Variants in MBD5 observed in about 807,000 individuals in gnomAD.
MBD5 encodes methyl-CpG binding domain protein 5, also known as methyl-CpG-binding domain protein 5.
MBD5 carries 13 observed loss-of-function variants against 117.3 expected under a neutral mutation model. The observed-to-expected ratio is 0.11, with a 90% confidence interval of 0.07 to 0.18. The LOEUF (loss-of-function observed/expected upper bound fraction) is 0.18. Ranked by LOEUF, MBD5 falls within the 10% of genes least tolerant of loss-of-function variation. The pLI, the probability that MBD5 is intolerant of heterozygous loss-of-function variation, is 1.00. For synonymous variants in MBD5, 727 were observed against 766.4 expected (o/e 0.95, Z 0.85); for missense variants, 1,879 against 2,093.8 (o/e 0.90, Z 2.00).
chr2:148,283,744 T>C (rs565495672), intron 3 of MBD5, among the ~76,000 whole-genome samples: 3 of 152,330 alleles, frequency 2.0e-5, no homozygotes, highest in African/African-American at 7.2e-5. Flanking sequence ...GGACCATGCC[T>C]ATGCTTACTA....
chr2:148,345,606 TATGTATATACACGTATACAC>T (rs1356672457), intron 4 of MBD5, among the ~76,000 whole-genome samples: 2 of 114,440 alleles, frequency 1.7e-5, no homozygotes, highest in Non-Finnish European at 4.2e-5. Flanking sequence ...TACACATACA[TATGTATATACACGTATACAC>T]ATACATATGT....
intron 1 of MBD5, among the ~76,000 whole-genome samples, chr2:148,144,202 G>C (rs1304522410): frequency 7.9e-5 from 12 of 151,902 alleles, no homozygotes; most frequent in Non-Finnish European, 1.5e-4. Flanking sequence ...GGCCAGTGAT[G>C]ATGAGCATTT....
intron 7 of MBD5, among the ~76,000 whole-genome samples, chr2:148,466,870 AC>A (rs1372226639): frequency 6.6e-6 from 1 of 152,152 alleles, no homozygotes; most frequent in Non-Finnish European, 1.5e-5. Context: ...ATTTATTTGG[AC>A]CCCAGGTTGA....
intron 4 of MBD5, among the ~76,000 whole-genome samples, chr2:148,410,545 T>C (rs974350978): frequency 6.6e-6 from 1 of 152,188 alleles, no homozygotes; most frequent in African/African-American, 2.4e-5. Context: ...TCCTCCTGCC[T>C]CAGTCCCACT....
At chr2:148,044,462 A>G (rs1330687130) in intron 1 of MBD5, 1 of 152,160 alleles carries the variant, frequency 6.6e-6, no homozygotes, top group African/African-American at 2.4e-5. Flanking sequence ...TTCCTAGACA[A>G]GGATTATGCG....
Position 148,434,432 on chromosome 2 carries a change from T to C in MBD5, c.-556-23771T>C, listed in dbSNP as rs556752040. 4.6e-5 allele frequency among the ~76,000 whole-genome samples: 7 copies of C among 152,240 alleles called. No homozygotes were observed. In the East Asian group the frequency reaches 1.3e-3, roughly 29 times the overall value. On this transcript the variant is annotated intron_variant, in intron 4 of 13. Transcript: ENST00000642680. ...TTTGCTAGCTTTGGGGTTACTTTTG[T>C]GTTGCTTTTCTAGTACTTTTAGTTG...
intron 2 of MBD5, among the ~76,000 whole-genome samples, chr2:148,214,111 A>G (rs1397667625): frequency 6.6e-6 from 1 of 152,214 alleles, no homozygotes; most frequent in African/African-American, 2.4e-5. Flanking sequence ...TTTTAAAATT[A>G]TAAGTTAAAC....
chr2:148,469,394 G>A lies in MBD5; in HGVS notation c.1451G>A (p.Ser484Asn). ...CCTGTAGGACCCCAGGCCACTTCTA[G>A]TGGTATTAAGGTTCCACCCAGGTCA... ...MPPVGPQATS[S>N]GIKVPPRSPR... is the part of the protein sequence containing the mutation. Residue 484 changes from serine (S) to asparagine (N), a missense_variant, in exon 8 of 14, where the codon AGT becomes AAT. Around this residue, in one of 4 missense-constraint regions of MBD5, gnomAD observed 1,666 missense variants for 1,792.2 expected, o/e 0.93. Transcript: ENST00000642680. 3 of 1,613,782 alleles carry A rather than the reference G, an allele frequency of 1.9e-6. No individual in the cohort carries two copies. The highest frequency in any genetic ancestry group is 2.5e-6 in the Non-Finnish European group (3 of 1,179,924).
intron 4 of MBD5, among the ~76,000 whole-genome samples, chr2:148,394,545 G>GTTTTTTTTTTTTTTTT (rs71856376): frequency 4.1e-5 from 5 of 121,862 alleles, no homozygotes; most frequent in East Asian, 2.3e-4. Context: ...CTGTACTTTG[G>GTTTTTTTTTTTTTTTT]TTTTTTTTTT....
At chr2:148,426,320 C>A (rs1003905903) in intron 4 of MBD5, among the ~76,000 whole-genome samples, 4 of 152,196 alleles carry the variant, frequency 2.6e-5, no homozygotes, top group Admixed American at 1.3e-4. Flanking sequence ...TCATATGGAA[C>A]CAAAAAAGAG....
intron 10 of MBD5, 75 bp downstream of exon 10, chr2:148,486,025 G>T: frequency 6.9e-7 from 1 of 1,447,362 alleles, no homozygotes; most frequent in Non-Finnish European, 9.7e-7. Flanking sequence ...TGGGGGAAAG[G>T]GTGAAAAAAG....
At position 148,483,609 on chromosome 2, in the gene MBD5, A is replaced by G. The variant is rs745924727; in HGVS notation, c.3018A>G (p.Pro1006=). The G allele has an allele frequency of 1.9e-6, 3 of 1,553,288 alleles. No homozygotes were observed. The highest frequency in any genetic ancestry group is 1.2e-5 in the South Asian group (1 of 84,740). The change falls in exon 9 of 14, where the codon CCA becomes CCG. Residue 1006 remains proline (P), a synonymous_variant. Transcript: ENST00000642680. Reference sequence around the variant, plus strand: ...AAGCAGCTGCCATGCTTCCCCTGCCATCTTTCAATCTGACCATCTCAGATC... The same window carrying G: ...AAGCAGCTGCCATGCTTCCCCTGCCGTCTTTCAATCTGACCATCTCAGATC... The part of the protein sequence containing the change: ...QAQAAAMLPL[P]SFNLTISDLL...
intron 4 of MBD5, among the ~76,000 whole-genome samples, chr2:148,376,334 C>G (rs1474842688): frequency 6.9e-6 from 1 of 145,892 alleles, no homozygotes; most frequent in Non-Finnish European, 1.5e-5. Context: ...GCGGCGCAGT[C>G]TCGGCTCACT....
chr2:148,102,529 A>G (rs1183489769), intron 1 of MBD5, among the ~76,000 whole-genome samples: 1 of 152,056 alleles, frequency 6.6e-6, no homozygotes, highest in Non-Finnish European at 1.5e-5. Context: ...GCAGAATTCT[A>G]GGCCATATCT....
chr2:148,189,064 C>G (rs958585549), intron 2 of MBD5, among the ~76,000 whole-genome samples: 16 of 142,012 alleles, frequency 1.1e-4, no homozygotes, highest in African/African-American at 4.0e-4. Flanking sequence ...TAAGAAACGG[C>G]GCACCACGAG....
At chr2:148,292,555 A>G (rs138240704) in intron 3 of MBD5, among the ~76,000 whole-genome samples, 2 of 152,318 alleles carry the variant, frequency 1.3e-5, no homozygotes, top group African/African-American at 4.8e-5. Context: ...TATATCCAAA[A>G]GATAGGTAAT....
chr2:148,316,035 A>T (rs551937724), intron 3 of MBD5, among the ~76,000 whole-genome samples: 1 of 152,318 alleles, frequency 6.6e-6, no homozygotes, highest in East Asian at 1.9e-4. Context: ...GGCATGTGTT[A>T]CATGGTCAGA....
Position 148,300,459 on chromosome 2 carries a change from C to T in MBD5, c.-679-41755C>T, listed in dbSNP as rs183079116. On this transcript the variant is annotated intron_variant, in intron 3 of 13. Transcript: ENST00000642680. ...AGTGTCTTCCCTATCATCACTTGTTCCCTTTGCTTGACAAAGTCTTGCTTA... is the reference window on the plus strand; with the variant it reads ...AGTGTCTTCCCTATCATCACTTGTTTCCTTTGCTTGACAAAGTCTTGCTTA... 8.6e-5 allele frequency among the ~76,000 whole-genome samples: 13 copies of T among 151,994 alleles called. No individual in the cohort carries two copies. The Middle Eastern group carries it at 0.014, about 159-fold the overall frequency.
intron 1 of MBD5, among the ~76,000 whole-genome samples, chr2:148,133,312 C>G (rs1488140045): frequency 1.3e-5 from 2 of 152,114 alleles, no homozygotes; most frequent in Non-Finnish European, 2.9e-5. Context: ...TTTGGTATTG[C>G]AGTTTACCTT....
Sources: allele counts gnomAD v4.1 joint callset (sites outside exome capture counted in the v4.1 genomes callset), GRCh38; gene constraint gnomAD v4.1.1; regional missense constraint gnomAD v4.1.1; transcripts MANE v1.5; gene names NCBI Gene and HGNC (gene_info 2026-07-23, HGNC 2026-07-21).